Variants in ZNF536 observed in about 807,000 individuals in gnomAD.
ZNF536 encodes the protein zinc finger protein 536.
In ZNF536, 13 loss-of-function variants were observed where a neutral mutation model predicts 84.5. That is an observed-to-expected ratio of 0.15 (90% CI 0.10 to 0.24). ZNF536 has a LOEUF of 0.24. Among genes scored for constraint, ZNF536 ranks in the 10% least tolerant of loss-of-function variants. The pLI is 1.00. For synonymous variants in ZNF536, 811 were observed against 742.5 expected (o/e 1.09, Z -1.50); for missense variants, 1,536 against 1,747.5 (o/e 0.88, Z 2.16).
chr19:30,371,817 T>G (rs904414851), upstream of ZNF536, among the ~76,000 whole-genome samples: 2 of 151,294 alleles, frequency 1.3e-5, no homozygotes, highest in South Asian at 4.2e-4. Flanking sequence ...TATATATATA[T>G]GCATATATAT....
downstream of ZNF536, among the ~76,000 whole-genome samples, chr19:30,561,979 G>A (rs2046185567): frequency 5.3e-5 from 8 of 152,230 alleles, no homozygotes; most frequent in Admixed American, 5.2e-4. Flanking sequence ...TGCAGGTCAT[G>A]GCTCCTGTGG....
chr19:30,684,122 C>A (rs1021488000), intron 1 of ZNF536, among the ~76,000 whole-genome samples: 45 of 152,068 alleles, frequency 3.0e-4, no homozygotes, highest in African/African-American at 1.1e-3. Flanking sequence ...CACATGTACA[C>A]ACACACACAC....
At chr19:30,687,988 A>G (rs903279662) in intron 1 of ZNF536, among the ~76,000 whole-genome samples, 3 of 149,690 alleles carry the variant, frequency 2.0e-5, no homozygotes, top group African/African-American at 7.4e-5. Flanking sequence ...ATTTTTTAAA[A>G]AAGAGCATAA....
chr19:30,672,102 T>C (rs1299350781), intron 1 of ZNF536, among the ~76,000 whole-genome samples: 1 of 152,270 alleles, frequency 6.6e-6, no homozygotes, highest in Non-Finnish European at 1.5e-5. Flanking sequence ...CTTGCTATAA[T>C]ATTTTATTCA....
rs569518521 is a variant in ZNF536 at position 30,479,453 on chromosome 19, C to T, written c.2170+33721C>T. Among the ~76,000 whole-genome samples, 62 of 152,322 alleles carry T rather than the reference C, an allele frequency of 4.1e-4. 1 individual carries two copies. Among genetic ancestry groups the T allele is most frequent in the African/African-American group, 1.5e-3 (61 of 41,572 alleles). Reference sequence around the variant, plus strand: ...TTGGGAAACTGCTTCCAGCAACGACCCTAGGTCGTGGAAGGAGACAGGAAT... The same window carrying T: ...TTGGGAAACTGCTTCCAGCAACGACTCTAGGTCGTGGAAGGAGACAGGAAT... On this transcript the variant is annotated intron_variant, in intron 2 of 4. Coordinates refer to ENST00000355537, the MANE Select transcript of ZNF536 (RefSeq NM_014717.3).
At chr19:30,589,793 G>A (rs1032048933) in intron 1 of ZNF536, among the ~76,000 whole-genome samples, 1 of 152,118 alleles carries the variant, frequency 6.6e-6, no homozygotes, top group Non-Finnish European at 1.5e-5. Context: ...GCTTGTAGTG[G>A]AATTAACCCT....
intron 1 of ZNF536, among the ~76,000 whole-genome samples, chr19:30,572,674 C>A (rs10402889): frequency 0.35 from 52,706 of 151,816 alleles, 9,159 homozygotes; most frequent in East Asian, 0.42. Context: ...TGGGGCTTAC[C>A]TTCTATGGGG....
chr19:30,264,086 C>T (rs1018707044), intron 1 of ZNF536, among the ~76,000 whole-genome samples: 4 of 152,206 alleles, frequency 2.6e-5, no homozygotes, highest in African/African-American at 9.6e-5. Context: ...AATGAGACAG[C>T]TCTGTGTTGA....
At chr19:30,261,228 G>A (rs946404433) in intron 1 of ZNF536, among the ~76,000 whole-genome samples, 6 of 146,002 alleles carry the variant, frequency 4.1e-5, no homozygotes, top group South Asian at 2.2e-4. Flanking sequence ...AACCCGGGAG[G>A]CGGAGCTTGC....
chr19:30,274,702 G>A (rs189387641), intron 1 of ZNF536, among the ~76,000 whole-genome samples: 183 of 152,224 alleles, frequency 1.2e-3, no homozygotes, highest in African/African-American at 4.1e-3. Flanking sequence ...AGACCATTTC[G>A]TCACCCAGGT....
At chr19:30,353,359 C>T (rs1432270297) in intron 3 of ZNF536, among the ~76,000 whole-genome samples, 2 of 151,896 alleles carry the variant, frequency 1.3e-5, no homozygotes, top group South Asian at 2.1e-4. Flanking sequence ...ATATCTGCAG[C>T]GTAAGAGTGG....
At chr19:30,431,911 G>C (rs2051479469) in intron 1 of ZNF536, among the ~76,000 whole-genome samples, 1 of 152,030 alleles carries the variant, frequency 6.6e-6, no homozygotes, top group African/African-American at 2.4e-5. Context: ...CGAGAGGAGA[G>C]TAATCAATAC....
chr19:30,269,889 C>A (rs971155330), intron 1 of ZNF536, among the ~76,000 whole-genome samples: 2 of 152,190 alleles, frequency 1.3e-5, no homozygotes, highest in African/African-American at 4.8e-5. Context: ...CCGCTTCTAG[C>A]TGGTTCCAGT....
At chr19:30,239,328 A>C (rs10469276) in intron 1 of ZNF536, among the ~76,000 whole-genome samples, 4,882 of 152,288 alleles carry the variant, frequency 0.032, 254 homozygotes, top group African/African-American at 0.11. Context: ...TGATGGAGAA[A>C]GCGAGGCTTA....
intron 2 of ZNF536, among the ~76,000 whole-genome samples, chr19:30,513,829 G>A (rs1226325903): frequency 2.6e-5 from 4 of 152,218 alleles, no homozygotes; most frequent in Non-Finnish European, 4.4e-5. Context: ...TGGGATGTGT[G>A]AATGCTAGAA....
intron 2 of ZNF536, among the ~76,000 whole-genome samples, chr19:30,447,744 C>T (rs1253452424): frequency 2.6e-5 from 4 of 152,146 alleles, no homozygotes; most frequent in Non-Finnish European, 4.4e-5. Context: ...TGGCATGTGT[C>T]GTTTCTGATT....
intron 1 of ZNF536, among the ~76,000 whole-genome samples, chr19:30,433,085 T>G (rs1011910532): frequency 6.6e-6 from 1 of 152,194 alleles, no homozygotes; most frequent in Non-Finnish European, 1.5e-5. Context: ...CTCTGCCCTA[T>G]CTCCTCTCTG....
chr19:30,458,006 C>G lies in ZNF536; in HGVS notation c.2170+12274C>G, dbSNP rs1229781667. ...CTATGAGAATGGGTGGAAGTGACTT[C>G]TAGTCAATTGCCCTTTATCTTCTGA... On this transcript the variant is annotated intron_variant, in intron 2 of 4. Coordinates refer to ENST00000355537, the MANE Select transcript of ZNF536 (RefSeq NM_014717.3). 2.6e-5 allele frequency among the ~76,000 whole-genome samples: 4 copies of G among 152,204 alleles called. No homozygotes were observed. The East Asian group carries it at 7.7e-4, about 29-fold the overall frequency.
intron 2 of ZNF536, among the ~76,000 whole-genome samples, chr19:30,476,182 C>T (rs1260887148): frequency 1.3e-5 from 2 of 152,146 alleles, no homozygotes; most frequent in African/African-American, 4.8e-5. Context: ...GGGCTTCTCC[C>T]ACCTTCTTCC....
Sources: gnomAD v4.1 joint callset for allele counts (sites outside exome capture counted in the v4.1 genomes callset) on GRCh38, gnomAD v4.1.1 for gene constraint, MANE v1.5 for transcripts, NCBI Gene and HGNC (gene_info 2026-07-23, HGNC 2026-07-21) for gene names.